SIRT1: variants seen among roughly 807,000 people sequenced by gnomAD.
SIRT1 encodes the protein NAD-dependent protein deacetylase sirtuin-1.
Under a neutral mutation model 67.9 loss-of-function variants are expected in SIRT1, and 24 were observed. The ratio of observed to expected loss-of-function variants is 0.35; its 90% CI spans 0.26 to 0.50. The LOEUF is 0.50. Ranked by LOEUF, SIRT1 falls within the 20% of genes least tolerant of loss-of-function variation. The pLI, the probability that SIRT1 is intolerant of heterozygous loss-of-function variation, is 0.98. For synonymous variants in SIRT1, 378 were observed against 350.7 expected, an observed-to-expected ratio of 1.08 and a Z score of -0.87; for missense variants, 873 against 937.2, an observed-to-expected ratio of 0.93 and a Z score of 0.89.
chr10:67,911,714 T>G (rs1842901832), intron 7 of SIRT1, among the ~76,000 whole-genome samples: 1 of 143,728 alleles, frequency 7.0e-6, no homozygotes, highest in Non-Finnish European at 1.5e-5. Flanking sequence ...TCTTCCTTCC[T>G]TCCTTCGTCC....
chr10:67,889,262 C>T lies in SIRT1; in HGVS notation c.789+139C>T, dbSNP rs1842532360. ...GGGAACTGCCAAAAACTGAGTGCAG[C>T]AGCAGTTGCTAAATTAGTTCAGATT... On this transcript the variant is annotated intron_variant, in intron 3 of 8. Transcript: ENST00000212015. 3.2e-6 allele frequency: 3 copies of T among 924,936 alleles called. No homozygotes were observed. The Admixed American group carries it at 7.7e-5, about 24-fold the overall frequency. The allele number at this position is 924,936 out of a possible 1,614,324, so 57.3% of individuals were successfully genotyped here. A position where few individuals can be genotyped will look rare whatever the true frequency, so the allele number is the denominator to read the frequency against.
At chr10:67,889,989 T>G (rs10997862) in intron 3 of SIRT1, among the ~76,000 whole-genome samples, 1 of 150,464 alleles carries the variant, frequency 6.6e-6, no homozygotes, top group Non-Finnish European at 1.5e-5. Context: ...TTTTTTTTTC[T>G]TTTTTTTGGA....
intron 4 of SIRT1, among the ~76,000 whole-genome samples, chr10:67,897,290 G>GTT (rs113438030): frequency 1.4e-5 from 2 of 141,968 alleles, no homozygotes; most frequent in African/African-American, 5.2e-5. Context: ...ACTGTATTTT[G>GTT]TTTTTTTTTT....
At position 67,902,011 on chromosome 10, in the gene SIRT1, C is replaced by T. The variant is rs150327962; in HGVS notation, c.943-4779C>T. On this transcript the variant is annotated intron_variant, in intron 4 of 8. Transcript: ENST00000212015. ...TTTTGTTTTTGTTTTTGTTTTGAGA[C>T]GAAGTCTCGCTCTTGTCCCCAGGCT... Among the ~76,000 whole-genome samples, 895 of 152,260 alleles carry T rather than the reference C, an allele frequency of 5.9e-3. 11 individuals carry two copies. The highest frequency in any genetic ancestry group is 0.021 in the African/African-American group (857 of 41,554).
chr10:67,907,370 C>A (rs915976521), intron 5 of SIRT1, among the ~76,000 whole-genome samples: 1 of 151,608 alleles, frequency 6.6e-6, no homozygotes, highest in African/African-American at 2.4e-5. Context: ...TGGCAGGCGC[C>A]TGTAATCCCA....
rs919162147 is a variant in SIRT1, at chr10:67,912,785, G to C, written c.1669G>C (p.Asp557His). Residue 557 changes from aspartate to histidine, a missense_variant, in exon 8 of 9, where the codon GAC (aspartate) becomes CAC (histidine). This residue lies in a region of SIRT1 where 295 missense variants were observed against 294.5 expected (regional missense o/e 1.00). Coordinates refer to ENST00000212015, the MANE Select transcript of SIRT1 (RefSeq NM_012238.5). ...PDSSVIVTLL[D>H]QAAKSNDDLD... Reference sequence around the variant, plus strand: ...TTCTTCAGTGATTGTCACACTTTTAGACCAAGCAGCTAAGAGTAATGATGA... The same window carrying C: ...TTCTTCAGTGATTGTCACACTTTTACACCAAGCAGCTAAGAGTAATGATGA... 4 of 1,614,094 alleles carry C rather than the reference G, an allele frequency of 2.5e-6. No homozygotes were observed. The highest frequency in any genetic ancestry group is 1.3e-5 in the African/African-American group (1 of 75,044).
At chr10:67,913,810 C>T (rs550731871) in intron 8 of SIRT1, among the ~76,000 whole-genome samples, 6 of 152,222 alleles carry the variant, frequency 3.9e-5, no homozygotes, top group South Asian at 2.1e-4. Context: ...CCATACTTGG[C>T]GAAAACTGAC....
chr10:67,895,908 A>G (rs1842650741), intron 4 of SIRT1, among the ~76,000 whole-genome samples: 1 of 151,342 alleles, frequency 6.6e-6, no homozygotes, highest in Non-Finnish European at 1.5e-5. Context: ...CGCCCAGCTA[A>G]TTTTTCTAAT....
chr10:67,900,852 A>G (rs2131869357), intron 4 of SIRT1, among the ~76,000 whole-genome samples: 1 of 152,224 alleles, frequency 6.6e-6, no homozygotes, highest in South Asian at 2.1e-4. Context: ...GTGCTTTTTC[A>G]CAGTGACTTC....
chr10:67,904,928 G>A (rs965085337), intron 4 of SIRT1, among the ~76,000 whole-genome samples: 3 of 151,800 alleles, frequency 2.0e-5, no homozygotes, highest in Non-Finnish European at 4.4e-5. Context: ...ATTAATAAGA[G>A]CTAAATCTAG....
Position 67,916,708 on chromosome 10 carries a change from T to A in SIRT1, c.*115T>A, listed in dbSNP as rs199593653. 1.1e-5 allele frequency: 8 copies of A among 732,186 alleles called. No individual in the cohort carries two copies. 45.4% of individuals were successfully genotyped at this position (732,186 alleles called of 1,614,324 possible). A position where few individuals can be genotyped will look rare whatever the true frequency, so the allele number is the denominator to read the frequency against. ...GCAAGGAAACCAGAAAGGTGTAATA[T>A]TTATAGGTTGGTAAAATAGATTGTT... On this transcript the variant is annotated 3_prime_UTR_variant, in exon 9 of 9. Transcript: ENST00000212015.
intron 4 of SIRT1, chr10:67,906,266 C>T (rs1406718072): frequency 6.3e-7 from 1 of 1,585,520 alleles, no homozygotes; most frequent in South Asian, 1.2e-5. Context: ...TGTGCCTGTG[C>T]AGTGGAAGGA....
At chr10:67,887,670 A>C (rs1255635137) in intron 2 of SIRT1, 137 bp downstream of exon 2, 2 of 538,368 alleles carry the variant, frequency 3.7e-6, no homozygotes, top group Non-Finnish European at 6.7e-6. Flanking sequence ...TCCGCCTTCC[A>C]GGTTCAAGCG....
chr10:67,907,207 T>TA (rs1199127328), intron 5 of SIRT1, among the ~76,000 whole-genome samples: 1 of 152,156 alleles, frequency 6.6e-6, no homozygotes, highest in Non-Finnish European at 1.5e-5. Context: ...TTAAATAATC[T>TA]TTTCTGGCTG....
At chr10:67,895,811 G>A (rs935449283) in intron 4 of SIRT1, among the ~76,000 whole-genome samples, 3 of 132,192 alleles carry the variant, frequency 2.3e-5, no homozygotes, top group East Asian at 2.5e-4. Context: ...GTGAGATCTC[G>A]GCTCACTACA....
intron 4 of SIRT1, among the ~76,000 whole-genome samples, chr10:67,898,880 T>TATA (rs2131865777): frequency 6.6e-6 from 1 of 152,320 alleles, no homozygotes; most frequent in African/African-American, 2.4e-5. Flanking sequence ...CAATTTGTAG[T>TATA]ATATTCTACT....
chr10:67,884,950 C>T lies in SIRT1; in HGVS notation c.229C>T (p.Arg77Trp), dbSNP rs1459511345. The T allele has an allele frequency of 3.2e-6, 4 of 1,253,122 alleles. No individual in the cohort carries two copies. Among genetic ancestry groups the T allele is most frequent in the East Asian group, 3.1e-5 (1 of 32,024 alleles). 77.6% of individuals were successfully genotyped at this position (1,253,122 alleles called of 1,614,324 possible). ...GGGTGCGGCGGCGGCGGCGCTGTGG[C>T]GGGAGGCGGAGGCAGAGGCGGCGGC... is the stretch of plus-strand genomic sequence containing the variant. Reference protein sequence around the residue: ...CPGAAAAALWREAEAEAAAAG... With the variant: ...CPGAAAAALWWEAEAEAAAAG... Residue 77 changes from arginine to tryptophan, a missense_variant, in exon 1 of 9, where the codon CGG becomes TGG. Arg to Trp is a moderately radical substitution (Grantham distance 101, BLOSUM62 -3). Around this residue, in one of 3 missense-constraint regions of SIRT1, gnomAD observed 327 missense variants for 283.9 expected, o/e 1.15. Coordinates refer to ENST00000212015, the MANE Select transcript of SIRT1 (RefSeq NM_012238.5).
chr10:67,913,660 C>T (rs1385504205), intron 8 of SIRT1, among the ~76,000 whole-genome samples: 2 of 152,132 alleles, frequency 1.3e-5, no homozygotes, highest in Admixed American at 1.3e-4. Flanking sequence ...AAATCACTTT[C>T]TACTCTTTGG....
chr10:67,913,442 G>A (rs1227626844), intron 8 of SIRT1, among the ~76,000 whole-genome samples: 1 of 152,188 alleles, frequency 6.6e-6, no homozygotes, highest in African/African-American at 2.4e-5. Flanking sequence ...CTAAGAAGTG[G>A]AAGAACCAGA....
Sources: allele counts gnomAD v4.1 joint callset (sites outside exome capture counted in the v4.1 genomes callset), GRCh38; gene constraint gnomAD v4.1.1; regional missense constraint gnomAD v4.1.1; transcripts MANE v1.5; gene names NCBI Gene and HGNC (gene_info 2026-07-23, HGNC 2026-07-21).